Variants in ZNF254 observed in about 807,000 individuals in gnomAD.
ZNF254 encodes the protein CTD-2017D11.1.
Under a neutral mutation model 12.4 loss-of-function variants are expected in ZNF254, and 10 were observed. The observed-to-expected ratio is 0.80, with a 90% CI of 0.50 to 1.36. ZNF254 has a LOEUF of 1.36. Ranked by LOEUF, ZNF254 falls within the 40% of genes most tolerant of loss-of-function variation. ZNF254 has a pLI of 0.00. For missense variants in ZNF254, 996 were observed against 763.9 expected (o/e 1.30, Z -3.58); for synonymous variants, 305 against 253.4 (o/e 1.20, Z -1.93).
chr19:24,087,422 C>T (rs1972093527), intron 1 of ZNF254, 85 bp downstream of exon 1: 5 of 1,554,444 alleles, frequency 3.2e-6, no homozygotes, highest in Non-Finnish European at 3.5e-6. Flanking sequence ...ACTCAGGCCT[C>T]CCCCCAGTCA....
chr19:24,090,188 A>G (rs1261435373), intron 1 of ZNF254, among the ~76,000 whole-genome samples: 1 of 152,008 alleles, frequency 6.6e-6, no homozygotes, highest in Non-Finnish European at 1.5e-5. Context: ...ACAGAGTGAG[A>G]CTCCATTTCA....
chr19:24,055,232 AG>A (rs1271168026), intron 2 of ZNF254, among the ~76,000 whole-genome samples: 13 of 122,620 alleles, frequency 1.1e-4, no homozygotes, highest in East Asian at 1.0e-3. Flanking sequence ...AAAAAAAAAA[AG>A]AGTGTACTAA....
chr19:24,113,364 G>C (rs368123447), intron 3 of ZNF254, among the ~76,000 whole-genome samples: 1 of 152,052 alleles, frequency 6.6e-6, no homozygotes, highest in African/African-American at 2.4e-5. Flanking sequence ...CTGGGATGCA[G>C]GGCTGGTTCA....
chr19:24,061,437 T>C (rs1971061811), intron 2 of ZNF254, among the ~76,000 whole-genome samples: 1 of 152,184 alleles, frequency 6.6e-6, no homozygotes, highest in South Asian at 2.1e-4. Context: ...AAAGATGTGA[T>C]GCCTTTTCTA....
intron 1 of ZNF254, among the ~76,000 whole-genome samples, chr19:24,099,903 CCAAA>C (rs1365454080): frequency 6.6e-6 from 1 of 152,100 alleles, no homozygotes; most frequent in Admixed American, 6.6e-5. Context: ...ATTATATTTT[CCAAA>C]CAGTGTCTAG....
At chr19:24,060,002 C>T (rs888908863) in intron 2 of ZNF254, among the ~76,000 whole-genome samples, 1 of 152,118 alleles carries the variant, frequency 6.6e-6, no homozygotes, top group Non-Finnish European at 1.5e-5. Context: ...AAGATTGTGA[C>T]ATCACTGGAT....
At chr19:24,071,510 A>G (rs1200432510) in intron 2 of ZNF254, among the ~76,000 whole-genome samples, 1 of 152,204 alleles carries the variant, frequency 6.6e-6, no homozygotes, top group Non-Finnish European at 1.5e-5. Flanking sequence ...TGAAGGGCCT[A>G]GGTTATGCGA....
In ZNF254 at chr19:24,051,013, GTCT is replaced by G. The variant is rs1399296012; in HGVS notation, c.-94+4739_-94+4741del. ...CACTGCACCTAGCTTCGATATGACT[GTCT>G]TCTTATGCCAGGGCCCTGCCGACTG... On this transcript the variant is annotated intron_variant, in intron 2 of 4. Coordinates refer to the ZNF254 transcript ENST00000613065. 4.0e-5 allele frequency among the ~76,000 whole-genome samples: 6 copies of G among 151,788 alleles called. 1 individual carries two copies. Among genetic ancestry groups the G allele is most frequent in the African/African-American group, 1.4e-4 (6 of 41,406 alleles).
At chr19:24,082,483 A>T (rs1378846852), upstream of ZNF254, among the ~76,000 whole-genome samples, 1 of 89,018 alleles carries the variant, frequency 1.1e-5, no homozygotes, top group African/African-American at 4.5e-5. Context: ...CATCTATACT[A>T]AAAAAAAAAA....
intron 2 of ZNF254, among the ~76,000 whole-genome samples, chr19:24,048,335 CCA>C (rs147315506): frequency 8.5e-4 from 130 of 152,356 alleles, no homozygotes; most frequent in African/African-American, 3.0e-3. Flanking sequence ...GCCGCAAGCG[CCA>C]CACATGGCCC....
chr19:24,074,420 A>G (rs1971587946), intron 2 of ZNF254, among the ~76,000 whole-genome samples: 1 of 152,212 alleles, frequency 6.6e-6, no homozygotes, highest in African/African-American at 2.4e-5. Context: ...CATATCTGTG[A>G]ATCCATCATC....
intron 1 of ZNF254, among the ~76,000 whole-genome samples, chr19:24,036,291 T>C (rs1400955346): frequency 2.0e-5 from 3 of 152,028 alleles, no homozygotes; most frequent in Non-Finnish European, 2.9e-5. Context: ...TCTCCTGATC[T>C]TGTGATCCAC....
intron 2 of ZNF254, among the ~76,000 whole-genome samples, chr19:24,059,855 G>T (rs375770283): frequency 6.6e-6 from 1 of 152,022 alleles, no homozygotes. Flanking sequence ...AATATTGGAC[G>T]TATCTCTGGG....
intron 1 of ZNF254, chr19:24,104,260 T>G (rs1973203196): frequency 6.6e-6 from 1 of 152,216 alleles, no homozygotes; most frequent in African/African-American, 2.4e-5. Flanking sequence ...TCTTTTTTGT[T>G]GTAAAGGACA....
chr19:24,047,592 C>CTTCCTTT (rs1970444036), intron 2 of ZNF254, among the ~76,000 whole-genome samples: 1 of 113,504 alleles, frequency 8.8e-6, no homozygotes, highest in Non-Finnish European at 1.8e-5. Flanking sequence ...CTTTTTCATT[C>CTTCCTTT]TTCCTTTTTT....
chr19:24,045,243 G>T (rs62113678), intron 1 of ZNF254, among the ~76,000 whole-genome samples: 24,209 of 152,088 alleles, frequency 0.16, 2,100 homozygotes, highest in Middle Eastern at 0.23. Context: ...GATAGTTTAA[G>T]CCCCTGCACC....
chr19:24,119,940 T>G (rs972586624), intron 3 of ZNF254, among the ~76,000 whole-genome samples: 7 of 152,152 alleles, frequency 4.6e-5, no homozygotes, highest in Non-Finnish European at 7.4e-5. Flanking sequence ...TTTTTAAATT[T>G]TGTTTTGCAT....
At chr19:24,084,013 A>G (rs936864269), upstream of ZNF254, among the ~76,000 whole-genome samples, 1 of 151,898 alleles carries the variant, frequency 6.6e-6, no homozygotes, top group African/African-American at 2.4e-5. Flanking sequence ...ATAAGTCATT[A>G]TATGAGTAAG....
chr19:24,125,181 T>C (rs1456270810), intron 3 of ZNF254, among the ~76,000 whole-genome samples: 2 of 152,032 alleles, frequency 1.3e-5, no homozygotes, highest in South Asian at 2.1e-4. Context: ...AATATCTTTT[T>C]GTTATTCTAG....
Sources: allele counts gnomAD v4.1 joint callset (sites outside exome capture counted in the v4.1 genomes callset), GRCh38; gene constraint gnomAD v4.1.1; transcripts MANE v1.5; gene names NCBI Gene and HGNC (gene_info 2026-07-23, HGNC 2026-07-21).